Variants in TDRD7 observed in about 807,000 individuals in gnomAD.
TDRD7 encodes tudor domain containing 7, also known as tudor domain-containing protein 7.
TDRD7 carries 47 observed loss-of-function variants against 109.8 expected under a neutral mutation model. The ratio of observed to expected loss-of-function variants is 0.43; its 90% confidence interval spans 0.34 to 0.55. The LOEUF is 0.55. TDRD7 is among the 20% of genes least tolerant of loss of function. TDRD7 has a pLI of 0.03. For synonymous variants in TDRD7, 424 were observed against 457.3 expected (o/e 0.93, Z 0.93); for missense variants, 1,164 against 1,319.2 (o/e 0.88, Z 1.82).
chr9:97,449,710 C>T (rs897474576), intron 6 of TDRD7, among the ~76,000 whole-genome samples: 4 of 152,156 alleles, frequency 2.6e-5, no homozygotes, highest in African/African-American at 9.7e-5. Context: ...CCTTCAGTGC[C>T]TCTTCCCTCC....
chr9:97,420,222 AC>A (rs1450669518), intron 1 of TDRD7, among the ~76,000 whole-genome samples: 24 of 152,314 alleles, frequency 1.6e-4, no homozygotes, highest in African/African-American at 5.3e-4. Flanking sequence ...AAATGCAGTA[AC>A]ATAGATGGAA....
chr9:97,416,919 G>A (rs1005780293), intron 1 of TDRD7, among the ~76,000 whole-genome samples: 9 of 151,918 alleles, frequency 5.9e-5, no homozygotes, highest in African/African-American at 2.2e-4. Flanking sequence ...ATTGAAGTTG[G>A]GGAGAAAGAT....
intron 6 of TDRD7, among the ~76,000 whole-genome samples, chr9:97,453,593 C>T (rs1828539909): frequency 6.6e-6 from 1 of 151,864 alleles, no homozygotes; most frequent in South Asian, 2.1e-4. Flanking sequence ...CCTTTTCCCC[C>T]AGCCAAGGGA....
At position 97,478,555 on chromosome 9, in the gene TDRD7, G is replaced by T. The variant is rs774824908; in HGVS notation, c.2283G>T (p.Met761Ile). Reference sequence around the variant, plus strand: ...TTCCACCTCGGTTTCTACAAGAAATGATTGCAATACCACCTCAGGTACTAT... The same window carrying T: ...TTCCACCTCGGTTTCTACAAGAAATTATTGCAATACCACCTCAGGTACTAT... Reference protein sequence around the residue: ...REIPPRFLQEMIAIPPQAIKC... With the variant: ...REIPPRFLQEIIAIPPQAIKC... The change falls in exon 13 of 17, where the codon ATG becomes ATT. Residue 761 changes from methionine (M) to isoleucine (I), a missense_variant. Met to Ile is a conservative substitution (Grantham distance 10, BLOSUM62 1). Around this residue, in one of 5 missense-constraint regions of TDRD7, gnomAD observed 233 missense variants for 218.0 expected, o/e 1.07. Coordinates refer to ENST00000355295, the MANE Select transcript of TDRD7 (RefSeq NM_014290.3). 2 of 1,613,988 alleles carry T rather than the reference G, an allele frequency of 1.2e-6. No homozygotes were observed. The highest frequency in any genetic ancestry group is 2.2e-5 in the South Asian group (2 of 91,068).
At chr9:97,421,601 T>C (rs1827900171) in intron 1 of TDRD7, among the ~76,000 whole-genome samples, 1 of 152,204 alleles carries the variant, frequency 6.6e-6, no homozygotes, top group Non-Finnish European at 1.5e-5. Flanking sequence ...CTTCTTTTTT[T>C]CTTTTTGAGA....
At chr9:97,456,880 C>T (rs1428594674) in intron 6 of TDRD7, among the ~76,000 whole-genome samples, 1 of 152,154 alleles carries the variant, frequency 6.6e-6, no homozygotes, top group Non-Finnish European at 1.5e-5. Context: ...AGTGAACAGG[C>T]ACCCTACAGA....
chr9:97,421,814 G>A (rs1359552000), intron 1 of TDRD7, among the ~76,000 whole-genome samples: 1 of 151,342 alleles, frequency 6.6e-6, no homozygotes, highest in Non-Finnish European at 1.5e-5. Context: ...ATGTGCCTTG[G>A]TCTCCCAAAG....
At chr9:97,439,194 T>G in intron 4 of TDRD7, 51 bp from the exon 5 acceptor site, 1 of 1,449,040 alleles carries the variant, frequency 6.9e-7, no homozygotes, top group Middle Eastern at 2.0e-4. Flanking sequence ...AAACTTGGTA[T>G]AGACTTTGTT....
intron 4 of TDRD7, among the ~76,000 whole-genome samples, chr9:97,432,998 A>G (rs1336641236): frequency 6.6e-6 from 1 of 152,186 alleles, no homozygotes; most frequent in African/African-American, 2.4e-5. Flanking sequence ...TAGATGGCCT[A>G]CAAAGCCAAA....
intron 16 of TDRD7, among the ~76,000 whole-genome samples, chr9:97,491,487 G>C (rs1829308137): frequency 6.6e-6 from 1 of 152,190 alleles, no homozygotes; most frequent in African/African-American, 2.4e-5. Flanking sequence ...ATGATACATT[G>C]GGTAAAAGGA....
chr9:97,469,814 T>C (rs1828881692), intron 8 of TDRD7, among the ~76,000 whole-genome samples: 1 of 152,210 alleles, frequency 6.6e-6, no homozygotes, highest in Non-Finnish European at 1.5e-5. Flanking sequence ...TTCTTAAAAA[T>C]AATATCCAGG....
chr9:97,488,575 T>TG (rs1554750617), intron 16 of TDRD7, among the ~76,000 whole-genome samples: 11 of 126,238 alleles, frequency 8.7e-5, no homozygotes, highest in East Asian at 4.7e-4. Flanking sequence ...TTTTTTTTTT[T>TG]TTTTGTTTTC....
At chr9:97,469,602 G>T (rs1292675865) in intron 8 of TDRD7, among the ~76,000 whole-genome samples, 1 of 152,158 alleles carries the variant, frequency 6.6e-6, no homozygotes, top group East Asian at 1.9e-4. Flanking sequence ...CCAAGACTTT[G>T]CCCTGGTGTT....
chr9:97,418,387 G>A (rs888894727), intron 1 of TDRD7, among the ~76,000 whole-genome samples: 2 of 152,092 alleles, frequency 1.3e-5, no homozygotes, highest in Non-Finnish European at 2.9e-5. Flanking sequence ...TGGAGGTCAC[G>A]AGACATCTGC....
At chr9:97,477,084 A>C (rs1829035148) in intron 12 of TDRD7, among the ~76,000 whole-genome samples, 1 of 152,206 alleles carries the variant, frequency 6.6e-6, no homozygotes, top group Non-Finnish European at 1.5e-5. Flanking sequence ...GATTTAATTT[A>C]AAATATATAA....
chr9:97,452,814 A>C (rs959544048), intron 6 of TDRD7, among the ~76,000 whole-genome samples: 3 of 152,224 alleles, frequency 2.0e-5, no homozygotes, highest in Admixed American at 6.5e-5. Flanking sequence ...GGACCAACTC[A>C]AGTGGACATA....
chr9:97,468,759 G>A (rs773548349), intron 8 of TDRD7, among the ~76,000 whole-genome samples: 2 of 152,234 alleles, frequency 1.3e-5, no homozygotes, highest in Non-Finnish European at 2.9e-5. Flanking sequence ...GTGATAGGTA[G>A]TGCTGGGAGA....
chr9:97,456,818 C>CA (rs1215244845), intron 6 of TDRD7, among the ~76,000 whole-genome samples: 1 of 152,098 alleles, frequency 6.6e-6, no homozygotes, highest in African/African-American at 2.4e-5. Context: ...CCAAAATTCA[C>CA]AAATGGTGTT....
intron 1 of TDRD7, among the ~76,000 whole-genome samples, chr9:97,425,992 A>G (rs772346009): frequency 1.3e-5 from 2 of 152,188 alleles, no homozygotes; most frequent in Non-Finnish European, 2.9e-5. Context: ...GGATACTGCA[A>G]CCATTAACAC....
Sources: allele counts gnomAD v4.1 joint callset (sites outside exome capture counted in the v4.1 genomes callset), GRCh38; gene constraint gnomAD v4.1.1; regional missense constraint gnomAD v4.1.1; transcripts MANE v1.5; gene names NCBI Gene and HGNC (gene_info 2026-07-23, HGNC 2026-07-21).